The following PLCH1 variants were observed in gnomAD, a reference collection of about 807,000 sequenced individuals.
PLCH1 encodes phospholipase C eta 1, also known as 1-phosphatidylinositol 4,5-bisphosphate phosphodiesterase eta-1.
Under a neutral mutation model 126.7 loss-of-function variants are expected in PLCH1, and 60 were observed. That is an observed-to-expected ratio of 0.47 (90% CI 0.38 to 0.59). The LOEUF is 0.59. Ranked by LOEUF, PLCH1 falls within the 20% of genes least tolerant of loss-of-function variation. The pLI, the probability that PLCH1 is intolerant of heterozygous loss-of-function variation, is 0.00. For synonymous variants in PLCH1, 719 were observed against 734.9 expected, an observed-to-expected ratio of 0.98 and a Z score of 0.35; for missense variants, 1,723 against 2,040.0, an observed-to-expected ratio of 0.84 and a Z score of 2.99.
intron 2 of PLCH1, among the ~76,000 whole-genome samples, chr3:155,659,302 CTTTTTTTTTTTTTTTTTTTTTTTT>C (rs753258422): frequency 5.8e-4 from 18 of 30,848 alleles, no homozygotes; most frequent in South Asian, 3.5e-3. Flanking sequence ...CTATTCACTT[CTTTTTTTTTTTTTTTTTTTTTTTT>C]TTTTTTTTTT....
intron 4 of PLCH1, among the ~76,000 whole-genome samples, chr3:155,590,571 C>T (rs1278502207): frequency 8.9e-6 from 1 of 112,736 alleles, no homozygotes; most frequent in Non-Finnish European, 1.9e-5. Context: ...GAGCCAGACT[C>T]CATCTCAAAA....
intron 19 of PLCH1, among the ~76,000 whole-genome samples, chr3:155,490,476 A>T (rs561083707): frequency 6.6e-5 from 10 of 152,308 alleles, no homozygotes; most frequent in Non-Finnish European, 1.2e-4. Context: ...ATATAAACAT[A>T]TAATGGAGGC....
intron 1 of PLCH1, among the ~76,000 whole-genome samples, chr3:155,721,144 TAATAGGA>T (rs1180435869): frequency 1.3e-5 from 2 of 152,250 alleles, no homozygotes; most frequent in Admixed American, 6.5e-5. Flanking sequence ...TGAAGTCAGG[TAATAGGA>T]TGCCTCCAGA....
At chr3:155,613,910 C>T (rs9851365) in intron 2 of PLCH1, among the ~76,000 whole-genome samples, 28,882 of 152,006 alleles carry the variant, frequency 0.19, 3,546 homozygotes, top group African/African-American at 0.35. Flanking sequence ...TAAAGACACA[C>T]CCAAAATGCT....
At chr3:155,568,087 A>G in intron 7 of PLCH1, 144 bp downstream of exon 7, 1 of 545,982 alleles carries the variant, frequency 1.8e-6, no homozygotes, top group Non-Finnish European at 3.3e-6. Flanking sequence ...AGGAAAATAT[A>G]TGTGTGTTGT....
At chr3:155,628,089 C>T (rs1225390163) in intron 2 of PLCH1, among the ~76,000 whole-genome samples, 2 of 151,574 alleles carry the variant, frequency 1.3e-5, no homozygotes, top group African/African-American at 2.4e-5. Context: ...TTTATGTGAA[C>T]AAAAAAGTTA....
At chr3:155,522,299 C>A in intron 11 of PLCH1, among the ~76,000 whole-genome samples, 1 of 152,186 alleles carries the variant, frequency 6.6e-6, no homozygotes, top group Non-Finnish European at 1.5e-5. Flanking sequence ...GAGAAAAAAG[C>A]AACTATTTAA....
At chr3:155,542,798 C>T (rs576733275) in intron 10 of PLCH1, among the ~76,000 whole-genome samples, 6 of 152,294 alleles carry the variant, frequency 3.9e-5, no homozygotes, top group African/African-American at 1.4e-4. Context: ...GGACCTCTAG[C>T]AAACTCCAAC....
At chr3:155,652,260 T>C (rs1740790381) in intron 2 of PLCH1, among the ~76,000 whole-genome samples, 1 of 152,218 alleles carries the variant, frequency 6.6e-6, no homozygotes, top group Admixed American at 6.5e-5. Context: ...CCATGTTAAA[T>C]TCCTAGATCT....
chr3:155,575,243 G>A (rs1474880866), intron 6 of PLCH1, among the ~76,000 whole-genome samples: 1 of 152,178 alleles, frequency 6.6e-6, no homozygotes, highest in African/African-American at 2.4e-5. Flanking sequence ...ATTATCACCA[G>A]AATGGGATAG....
At chr3:155,590,923 C>T (rs1299988540) in intron 4 of PLCH1, among the ~76,000 whole-genome samples, 1 of 152,144 alleles carries the variant, frequency 6.6e-6, no homozygotes. Flanking sequence ...CAAAAATCAA[C>T]TGCTTCTATA....
intron 21 of PLCH1, among the ~76,000 whole-genome samples, chr3:155,462,122 A>G (rs1712750049): frequency 1.3e-5 from 2 of 152,252 alleles, no homozygotes; most frequent in Admixed American, 1.3e-4. Context: ...GATCCATGCC[A>G]GTAGATAAGC....
intron 9 of PLCH1, among the ~76,000 whole-genome samples, chr3:155,551,147 C>CA (rs1029380027): frequency 5.9e-5 from 9 of 152,036 alleles, no homozygotes; most frequent in Non-Finnish European, 1.3e-4. Flanking sequence ...AATTCATTTA[C>CA]AAAAAATCTA....
At chr3:155,689,125 A>G (rs906249182) in intron 2 of PLCH1, among the ~76,000 whole-genome samples, 1 of 151,814 alleles carries the variant, frequency 6.6e-6, no homozygotes, top group African/African-American at 2.4e-5. Flanking sequence ...AAAAAGAGAG[A>G]CTCTATATGT....
rs1320713881 is a variant in PLCH1, at chr3:155,542,337, G to A, written c.1362+7450C>T. ...AGGCAGCAGCGAGGCTGGGGGAGGG[G>A]AGCCCGCCATTGCCCAGGCTTGCTT... is the stretch of plus-strand genomic sequence containing the variant. On this transcript the variant is annotated intron_variant, in intron 10 of 22. Transcript: ENST00000460012. Among the ~76,000 whole-genome samples, 3 of 152,222 alleles carry A rather than the reference G, an allele frequency of 2.0e-5. No homozygotes were observed. The East Asian group carries it at 5.8e-4, about 29-fold the overall frequency.
intron 21 of PLCH1, chr3:155,456,544 T>A (rs56103965): frequency 0.31 from 47,847 of 152,102 alleles, 8,728 homozygotes; most frequent in African/African-American, 0.5. Flanking sequence ...TTAAGCCTAT[T>A]TCCAGCCCTT....
In PLCH1 at chr3:155,680,963, C is replaced by T. The variant is rs148639275; in HGVS notation, c.79+23183G>A. On this transcript the variant is annotated intron_variant, in intron 2 of 22. Coordinates refer to ENST00000460012, the MANE Select transcript of PLCH1 (RefSeq NM_014996.4). The stretch of plus-strand genomic sequence containing the variant: ...AAAAAAGGAGGATACAAACTAACTA[C>T]TAATTAAAGGAAAAAAGGAGATACA... Among the ~76,000 whole-genome samples, 179 of 151,900 alleles carry T rather than the reference C, an allele frequency of 1.2e-3. 1 individual carries two copies. The highest frequency in any genetic ancestry group is 3.9e-3 in the African/African-American group (162 of 41,418).
intron 1 of PLCH1, among the ~76,000 whole-genome samples, chr3:155,704,909 A>T (rs1279025676): frequency 6.6e-6 from 1 of 152,192 alleles, no homozygotes; most frequent in African/African-American, 2.4e-5. Context: ...TCCATCACAG[A>T]CACAGAGAAA....
intron 2 of PLCH1, among the ~76,000 whole-genome samples, chr3:155,660,982 A>G (rs1742066114): frequency 1.3e-5 from 2 of 152,238 alleles, no homozygotes; most frequent in Admixed American, 1.3e-4. Context: ...AAAATGCCAC[A>G]TGAAGAACTG....
Sources: gnomAD v4.1 joint callset for allele counts (sites outside exome capture counted in the v4.1 genomes callset) on GRCh38, gnomAD v4.1.1 for gene constraint, MANE v1.5 for transcripts, NCBI Gene and HGNC (gene_info 2026-07-23, HGNC 2026-07-21) for gene names.